KCNN2: variants seen among roughly 807,000 people sequenced by gnomAD.
KCNN2 encodes potassium calcium-activated channel subfamily N member 2, also known as small conductance calcium-activated potassium channel protein 2.
Under a neutral mutation model 55.5 loss-of-function variants are expected in KCNN2, and 24 were observed. The ratio of observed to expected loss-of-function variants is 0.43; its 90% CI spans 0.31 to 0.61. KCNN2 has a LOEUF of 0.61. Among genes scored for constraint, KCNN2 ranks in the 20% least tolerant of loss-of-function variants. The probability of loss-of-function intolerance (pLI) is 0.08; values close to 1 mark genes in which losing one functional copy is unlikely to be tolerated. For synonymous variants in KCNN2, 431 were observed against 336.1 expected (o/e 1.28, Z -3.09); for missense variants, 754 against 853.6 (o/e 0.88, Z 1.45).
At chr5:114,401,714 G>A (rs781659637) in intron 2 of KCNN2, among the ~76,000 whole-genome samples, 1 of 152,172 alleles carries the variant, frequency 6.6e-6, no homozygotes, top group Non-Finnish European at 1.5e-5. Context: ...ATACAAATTT[G>A]CTAGATGGAG....
At chr5:114,312,310 A>G (rs187755073) in intron 2 of KCNN2, among the ~76,000 whole-genome samples, 112 of 150,498 alleles carry the variant, frequency 7.4e-4, no homozygotes, top group Non-Finnish European at 1.1e-3. Context: ...ACTTCTTAAA[A>G]TAACTCAAAT....
intron 2 of KCNN2, among the ~76,000 whole-genome samples, chr5:114,333,191 A>G (rs1756857041): frequency 2.0e-5 from 3 of 152,254 alleles, no homozygotes. Flanking sequence ...GGAAGAATGG[A>G]ATGTGAAGAT....
chr5:114,388,797 C>G (rs1404370360), intron 2 of KCNN2, among the ~76,000 whole-genome samples: 1 of 151,952 alleles, frequency 6.6e-6, no homozygotes, highest in Non-Finnish European at 1.5e-5. Flanking sequence ...TTTACAGTGA[C>G]TTATTCTATA....
chr5:114,187,860 G>A (rs1301831754), intron 1 of KCNN2, among the ~76,000 whole-genome samples: 15 of 148,662 alleles, frequency 1.0e-4, no homozygotes, highest in African/African-American at 3.8e-4. Context: ...TGTTGCCCAG[G>A]CTGGAGTGCA....
intron 2 of KCNN2, among the ~76,000 whole-genome samples, chr5:114,386,651 A>T (rs546987065): frequency 6.6e-6 from 1 of 152,280 alleles, no homozygotes; most frequent in East Asian, 1.9e-4. Flanking sequence ...CCACCATCTG[A>T]AAGGTTGAGC....
At chr5:114,441,008 G>C (rs927466565) in intron 3 of KCNN2, among the ~76,000 whole-genome samples, 2 of 151,910 alleles carry the variant, frequency 1.3e-5, no homozygotes, top group African/African-American at 2.4e-5. Flanking sequence ...AGATACAACA[G>C]GCAACTACTT....
chr5:114,354,281 C>T lies in KCNN2; in HGVS notation c.-184-6664C>T, dbSNP rs74513650. Among the ~76,000 whole-genome samples, 717 of 152,112 alleles carry T rather than the reference C, an allele frequency of 4.7e-3. 3 individuals are homozygous for T. Among genetic ancestry groups the T allele is most frequent in the Middle Eastern group, 0.01 (3 of 294 alleles). On this transcript the variant is annotated intron_variant, in intron 2 of 10. Transcript: ENST00000512097. ...TTTTAAATAATTTCTGTTTATTTAT[C>T]AATATTCTCTGTTTGATGAGTCATT...
chr5:114,342,332 C>G (rs1286501714), intron 2 of KCNN2, among the ~76,000 whole-genome samples: 1 of 152,122 alleles, frequency 6.6e-6, no homozygotes, highest in Non-Finnish European at 1.5e-5. Flanking sequence ...GCAAATTAAA[C>G]TGACATATTC....
chr5:114,241,753 TATATATATAC>T (rs1267945499), intron 2 of KCNN2, among the ~76,000 whole-genome samples: 1,320 of 18,342 alleles, frequency 0.072, 390 homozygotes, highest in African/African-American at 0.23. Context: ...TATATATATG[TATATATATAC>T]GTATATATAT....
chr5:114,255,971 C>T (rs1754975298), intron 2 of KCNN2, among the ~76,000 whole-genome samples: 2 of 151,834 alleles, frequency 1.3e-5, no homozygotes, highest in South Asian at 2.1e-4. Flanking sequence ...GTATATTGTA[C>T]CCTAATTTCT....
At chr5:114,099,860 G>T (rs537786674) in intron 1 of KCNN2, among the ~76,000 whole-genome samples, 15 of 151,720 alleles carry the variant, frequency 9.9e-5, no homozygotes, top group Non-Finnish European at 2.2e-4. Flanking sequence ...ACAAAAAGGT[G>T]TCTTTTAAAT....
chr5:114,367,608 A>C (rs750994240), intron 2 of KCNN2, among the ~76,000 whole-genome samples: 2 of 152,106 alleles, frequency 1.3e-5, no homozygotes, highest in Non-Finnish European at 2.9e-5. Flanking sequence ...TCAAGTCTCA[A>C]GGTCAAATTA....
intron 2 of KCNN2, among the ~76,000 whole-genome samples, chr5:114,344,634 C>G (rs1221999376): frequency 6.6e-6 from 1 of 152,162 alleles, no homozygotes; most frequent in Admixed American, 6.5e-5. Flanking sequence ...GACCATGAGT[C>G]ACCTCTTTAG....
Position 114,453,246 on chromosome 5 carries a change from C to G in KCNN2, c.1638-9803C>G, listed in dbSNP as rs544418656. 2.0e-5 allele frequency among the ~76,000 whole-genome samples: 3 copies of G among 152,294 alleles called. No homozygotes were observed. In the East Asian group the frequency reaches 5.8e-4, roughly 29 times the overall value. Reference sequence around the variant, plus strand: ...GTGGGCAAGCCAAGGAAAGAGAGGGCCTGATCTATGCCTGCTCAGTTCCTA... The same window carrying G: ...GTGGGCAAGCCAAGGAAAGAGAGGGGCTGATCTATGCCTGCTCAGTTCCTA... On this transcript the variant is annotated intron_variant, in intron 3 of 7. Transcript: ENST00000673685.
chr5:114,487,016 A>C (rs1418568709), intron 5 of KCNN2, 34 bp from the exon 6 acceptor site: 2 of 1,611,336 alleles, frequency 1.2e-6, no homozygotes, highest in East Asian at 2.2e-5. Context: ...TCTGCTCTGG[A>C]ATTTATCAAC....
intron 2 of KCNN2, among the ~76,000 whole-genome samples, chr5:114,243,505 C>T (rs1754685776): frequency 1.3e-5 from 2 of 151,954 alleles, no homozygotes; most frequent in South Asian, 4.2e-4. Flanking sequence ...CACATCTATG[C>T]TACTGGCCCA....
Position 114,242,150 on chromosome 5 carries a change from C to T in KCNN2, c.-185+20585C>T, listed in dbSNP as rs150464151. ...TAAAATTTTTATAATGGACAATAAG[C>T]ATGCCTGCTTATTATTATTTAGAGG... On this transcript the variant is annotated intron_variant, in intron 2 of 10. Transcript: ENST00000512097. 6.7e-4 allele frequency among the ~76,000 whole-genome samples: 102 copies of T among 151,810 alleles called. No homozygotes were observed. In the East Asian group the frequency reaches 0.018, roughly 28 times the overall value.
intron 2 of KCNN2, among the ~76,000 whole-genome samples, chr5:114,270,868 A>AT (rs1755315627): frequency 6.6e-6 from 1 of 152,162 alleles, no homozygotes; most frequent in Non-Finnish European, 1.5e-5. Flanking sequence ...AGATGTGTCC[A>AT]CAGTTTCTTC....
chr5:114,413,505 C>G (rs145366210), intron 3 of KCNN2, among the ~76,000 whole-genome samples: 1,801 of 152,226 alleles, frequency 0.012, 126 homozygotes, highest in Admixed American at 0.11. Context: ...CCAGGCTGGT[C>G]TTGAATTCTT....
Sources: allele counts gnomAD v4.1 joint callset (sites outside exome capture counted in the v4.1 genomes callset), GRCh38; gene constraint gnomAD v4.1.1; transcripts MANE v1.5; gene names NCBI Gene and HGNC (gene_info 2026-07-23, HGNC 2026-07-21).